Variants in BBS9 observed in about 807,000 individuals in gnomAD.
BBS9 encodes Bardet-Biedl syndrome 9, also known as protein PTHB1.
In BBS9, 89 loss-of-function variants were observed where a neutral mutation model predicts 117.7. The observed-to-expected ratio is 0.76, with a 90% CI of 0.64 to 0.90. BBS9 has a LOEUF of 0.90. Among genes scored for constraint, BBS9 ranks in the 40% least tolerant of loss-of-function variants. BBS9 has a pLI of 0.00. For missense variants in BBS9, 982 were observed against 1,042.2 expected, an observed-to-expected ratio of 0.94 and a Z score of 0.80; for synonymous variants, 379 against 370.9, an observed-to-expected ratio of 1.02 and a Z score of -0.25.
At chr7:33,486,165 T>C (rs971943451) in intron 19 of BBS9, among the ~76,000 whole-genome samples, 2 of 152,182 alleles carry the variant, frequency 1.3e-5, no homozygotes, top group Non-Finnish European at 1.5e-5. Context: ...AGTTTTTTTT[T>C]CCCTCAGTCT....
intron 7 of BBS9, among the ~76,000 whole-genome samples, chr7:33,268,657 G>A (rs561585129): frequency 6.6e-6 from 1 of 151,594 alleles, no homozygotes; most frequent in South Asian, 2.1e-4. Flanking sequence ...TTTTATTATT[G>A]TTCTTAGCAA....
chr7:33,340,939 C>T lies in BBS9; in HGVS notation c.1241C>T (p.Ser414Phe). 1 of 1,613,616 alleles carries T rather than the reference C, an allele frequency of 6.2e-7. No individual in the cohort carries two copies. ...GAGAGAGAAGATGACTTGAACGTTT[C>T]TGTCGTGGTTTCTCCTAACTTTGAT... ...MTEREDDLNV[S>F]VVVSPNFDSV... Residue 414 changes from serine to phenylalanine, a missense_variant, in exon 11 of 23, where the codon TCT becomes TTT. By Grantham distance (155) the Ser-to-Phe change is radical. Transcript: ENST00000242067.
chr7:33,343,193 TA>T lies in BBS9; in HGVS notation c.1276-1387del, dbSNP rs1338376977. Among the ~76,000 whole-genome samples the T allele has an allele frequency of 2.0e-5, 3 of 152,168 alleles. 1 individual carries two copies. Among genetic ancestry groups the T allele is most frequent in the African/African-American group, 7.2e-5 (3 of 41,436 alleles). ...TCAAGTAAAAAAACGCAATGGATCA[TA>T]TTCATTGGTTGGATAGAGACATAAT... is the stretch of plus-strand genomic sequence containing the variant. On this transcript the variant is annotated intron_variant, in intron 11 of 22. Coordinates refer to ENST00000242067, the MANE Select transcript of BBS9 (RefSeq NM_198428.3).
At chr7:33,255,154 G>A (rs893066182) in intron 5 of BBS9, among the ~76,000 whole-genome samples, 9 of 151,934 alleles carry the variant, frequency 5.9e-5, no homozygotes, top group African/African-American at 1.4e-4. Context: ...TTAGTTTGAT[G>A]TAGTCCTCCC....
chr7:33,583,685 G>C (rs1057515252), intron 21 of BBS9, among the ~76,000 whole-genome samples: 1 of 152,080 alleles, frequency 6.6e-6, no homozygotes, highest in Non-Finnish European at 1.5e-5. Context: ...TGGATTTGGG[G>C]CTGGAAAAAA....
At chr7:33,288,386 T>C (rs1803318250) in intron 9 of BBS9, among the ~76,000 whole-genome samples, 1 of 152,128 alleles carries the variant, frequency 6.6e-6, no homozygotes, top group Non-Finnish European at 1.5e-5. Context: ...GACTGCTACA[T>C]TGTGGTGCAT....
intron 19 of BBS9, among the ~76,000 whole-genome samples, chr7:33,403,281 C>CT (rs1331820917): frequency 0.028 from 3,510 of 123,920 alleles, 105 homozygotes; most frequent in African/African-American, 0.079. Flanking sequence ...ACCACATTTT[C>CT]TTTTTTTTTT....
At chr7:33,565,230 C>CCCCA in intron 21 of BBS9, among the ~76,000 whole-genome samples, 1 of 152,112 alleles carries the variant, frequency 6.6e-6, no homozygotes, top group Non-Finnish European at 1.5e-5. Context: ...TTTCCATGTA[C>CCCCA]TACTATCTCT....
chr7:33,381,114 CTA>C (rs912664629), intron 17 of BBS9, among the ~76,000 whole-genome samples: 1 of 152,198 alleles, frequency 6.6e-6, no homozygotes, highest in Non-Finnish European at 1.5e-5. Flanking sequence ...CCATGAGCAT[CTA>C]TCATTGTTAA....
At chr7:33,214,178 T>TC (rs1363899755) in intron 5 of BBS9, among the ~76,000 whole-genome samples, 1 of 152,182 alleles carries the variant, frequency 6.6e-6, no homozygotes, top group Non-Finnish European at 1.5e-5. Flanking sequence ...GATGGGCGAT[T>TC]CCCCTCTGGC....
intron 19 of BBS9, among the ~76,000 whole-genome samples, chr7:33,406,084 T>A (rs1563130057): frequency 6.6e-6 from 1 of 152,216 alleles, no homozygotes; most frequent in Non-Finnish European, 1.5e-5. Context: ...TATTTCTGCC[T>A]TCATTTCGTT....
chr7:33,432,275 A>T (rs1409521218), intron 19 of BBS9, among the ~76,000 whole-genome samples: 1 of 141,848 alleles, frequency 7.0e-6, no homozygotes. Context: ...TGCCCGGCTA[A>T]TTTTTTTTTT....
chr7:33,252,608 T>G (rs1796387092), intron 5 of BBS9, among the ~76,000 whole-genome samples: 1 of 152,022 alleles, frequency 6.6e-6, no homozygotes. Flanking sequence ...TTCTTTGAGG[T>G]CTTTGGGAGA....
intron 2 of BBS9, among the ~76,000 whole-genome samples, chr7:33,151,726 T>G (rs369579959): frequency 1.3e-5 from 2 of 152,002 alleles, no homozygotes; most frequent in Non-Finnish European, 2.9e-5. Flanking sequence ...ATTTTTTCTA[T>G]TTTTAGTAGA....
At chr7:33,243,016 T>C in intron 5 of BBS9, 1 of 517,762 alleles carries the variant, frequency 1.9e-6, no homozygotes, top group Non-Finnish European at 3.9e-6. Context: ...CAATAATTCT[T>C]GACGTTCCCA....
chr7:33,410,542 T>A (rs917080666), intron 19 of BBS9, among the ~76,000 whole-genome samples: 6 of 152,210 alleles, frequency 3.9e-5, no homozygotes, highest in Non-Finnish European at 5.9e-5. Flanking sequence ...TCAGAAAGAT[T>A]GAGACTCTCA....
At chr7:33,369,377 A>T (rs1822431926) in intron 17 of BBS9, among the ~76,000 whole-genome samples, 1 of 152,198 alleles carries the variant, frequency 6.6e-6, no homozygotes, top group African/African-American at 2.4e-5. Context: ...ATAACTTTTA[A>T]TATAAAGTAA....
intron 19 of BBS9, among the ~76,000 whole-genome samples, chr7:33,467,793 T>C (rs766180707): frequency 2.6e-4 from 40 of 151,996 alleles, no homozygotes; most frequent in Non-Finnish European, 2.5e-4. Flanking sequence ...TAACAGATTC[T>C]GAGTAGTTGG....
At chr7:33,165,775 C>T (rs534299940) in intron 4 of BBS9, among the ~76,000 whole-genome samples, 38 of 152,126 alleles carry the variant, frequency 2.5e-4, no homozygotes, top group South Asian at 1.0e-3. Flanking sequence ...GTGATGGGTT[C>T]GAACATCCTC....
Sources: allele counts gnomAD v4.1 joint callset (sites outside exome capture counted in the v4.1 genomes callset), GRCh38; gene constraint gnomAD v4.1.1; transcripts MANE v1.5; gene names NCBI Gene and HGNC (gene_info 2026-07-23, HGNC 2026-07-21).